GPC6: variants seen among roughly 807,000 people sequenced by gnomAD.
The protein encoded by GPC6 is glypican 6.
In GPC6, 14 loss-of-function variants were observed where a neutral mutation model predicts 55.2. The observed-to-expected ratio is 0.25, with a 90% confidence interval of 0.17 to 0.40. GPC6 has a LOEUF of 0.40. Among genes scored for constraint, GPC6 ranks in the 10% least tolerant of loss-of-function variants. GPC6 has a pLI of 1.00. For missense variants in GPC6, 641 were observed against 708.5 expected, an observed-to-expected ratio of 0.90 and a Z score of 1.08; for synonymous variants, 278 against 259.6, an observed-to-expected ratio of 1.07 and a Z score of -0.68.
intron 5 of GPC6, among the ~76,000 whole-genome samples, chr13:94,295,718 T>C (rs1168847418): frequency 6.6e-6 from 1 of 152,184 alleles, no homozygotes; most frequent in Non-Finnish European, 1.5e-5. Context: ...ACACTATTCT[T>C]ACATTGAGAG....
chr13:93,721,143 G>A (rs1228336764), intron 2 of GPC6, among the ~76,000 whole-genome samples: 1 of 151,948 alleles, frequency 6.6e-6, no homozygotes, highest in Non-Finnish European at 1.5e-5. Context: ...TCATTGATCT[G>A]TCTAATATTG....
chr13:93,457,728 A>T (rs2139310563), intron 1 of GPC6, among the ~76,000 whole-genome samples: 1 of 152,102 alleles, frequency 6.6e-6, no homozygotes, highest in South Asian at 2.1e-4. Flanking sequence ...ACTTAAATTC[A>T]AAGAAGTAGA....
At chr13:93,702,846 T>G (rs751926399) in intron 2 of GPC6, among the ~76,000 whole-genome samples, 9 of 152,004 alleles carry the variant, frequency 5.9e-5, no homozygotes, top group Non-Finnish European at 1.0e-4. Flanking sequence ...TTAAGGCCTT[T>G]CTGTTGATTA....
At chr13:93,510,197 C>G (rs1057119476) in intron 1 of GPC6, among the ~76,000 whole-genome samples, 1 of 152,090 alleles carries the variant, frequency 6.6e-6, no homozygotes, top group Non-Finnish European at 1.5e-5. Context: ...GGATGTCTAT[C>G]TCTTGAGTAC....
chr13:93,372,484 C>A (rs1249260340), intron 1 of GPC6, among the ~76,000 whole-genome samples: 2 of 152,150 alleles, frequency 1.3e-5, no homozygotes, highest in Non-Finnish European at 2.9e-5. Context: ...GGTTGTAATT[C>A]ACTGCCATCT....
chr13:93,818,509 T>C (rs1390650699), intron 2 of GPC6: 1 of 152,212 alleles, frequency 6.6e-6, no homozygotes, highest in Non-Finnish European at 1.5e-5. Context: ...GGTCATTAAT[T>C]AGCTGGAGGA....
chr13:93,746,774 G>T (rs541899564), intron 2 of GPC6, among the ~76,000 whole-genome samples: 1 of 152,270 alleles, frequency 6.6e-6, no homozygotes, highest in East Asian at 1.9e-4. Context: ...AGGTGCAACA[G>T]CTGGGTTCAA....
intron 1 of GPC6, among the ~76,000 whole-genome samples, chr13:93,490,516 T>C (rs1453424392): frequency 1.0e-4 from 10 of 95,914 alleles, no homozygotes; most frequent in Admixed American, 2.8e-4. Context: ...TTTTTTGAGT[T>C]TTTTTTTTTT....
chr13:94,253,602 G>A (rs577029063), intron 4 of GPC6, among the ~76,000 whole-genome samples: 2 of 152,192 alleles, frequency 1.3e-5, no homozygotes, highest in African/African-American at 4.8e-5. Flanking sequence ...AGATGAATCT[G>A]TAATCTTGGT....
At chr13:93,968,466 C>T (rs570120744) in intron 3 of GPC6, among the ~76,000 whole-genome samples, 2 of 152,102 alleles carry the variant, frequency 1.3e-5, no homozygotes, top group East Asian at 1.9e-4. Flanking sequence ...GTATTATACT[C>T]ATTTTTTTCT....
intron 3 of GPC6, among the ~76,000 whole-genome samples, chr13:93,915,812 C>G (rs1877258243): frequency 6.6e-6 from 1 of 152,150 alleles, no homozygotes; most frequent in African/African-American, 2.4e-5. Context: ...TTGGCTGCCC[C>G]CCAGTTAAGC....
rs189320001 is a variant in GPC6 at position 93,672,890 on chromosome 13, T to G, written c.319+127469T>G. ...CCCAAAATATTTTCAATGAGGTATA[T>G]TCATTAGAGGTCTTCCTGACTTCTT... is the stretch of plus-strand genomic sequence containing the variant. On this transcript the variant is annotated intron_variant, in intron 2 of 8. Transcript: ENST00000377047. Among the ~76,000 whole-genome samples the G allele has an allele frequency of 1.3e-3, 193 of 152,218 alleles. 1 individual carries two copies. Among genetic ancestry groups the G allele is most frequent in the Non-Finnish European group, 6.6e-4 (45 of 68,022 alleles).
intron 3 of GPC6, among the ~76,000 whole-genome samples, chr13:93,909,210 T>C (rs1376152591): frequency 1.5e-4 from 23 of 152,124 alleles, no homozygotes; most frequent in Admixed American, 1.5e-3. Flanking sequence ...TCAATTTCTC[T>C]AGGAGCCTTC....
chr13:93,977,495 TGTGTGTGTGTGTGTGTGTGTGTGG>T (rs1311042848), intron 3 of GPC6, among the ~76,000 whole-genome samples: 1 of 148,544 alleles, frequency 6.7e-6, no homozygotes, highest in South Asian at 2.1e-4. Flanking sequence ...TGTGTGTGTG[TGTGTGTGTGTGTGTGTGTGTGTGG>T]TGTGTCTTTA....
intron 4 of GPC6, among the ~76,000 whole-genome samples, chr13:94,280,472 C>T (rs1025782806): frequency 6.6e-6 from 1 of 152,042 alleles, no homozygotes; most frequent in Non-Finnish European, 1.5e-5. Context: ...TTTAATTCAT[C>T]GATTTGGGTG....
At chr13:93,775,329 A>G (rs1381194928) in intron 2 of GPC6, among the ~76,000 whole-genome samples, 3 of 152,136 alleles carry the variant, frequency 2.0e-5, no homozygotes, top group Admixed American at 2.0e-4. Flanking sequence ...AAACTATGTA[A>G]AAGACTTTAC....
At chr13:93,294,994 GGCGTGGTGTCTTGT>G (rs1467070354) in intron 1 of GPC6, among the ~76,000 whole-genome samples, 3 of 151,408 alleles carry the variant, frequency 2.0e-5, no homozygotes, top group Non-Finnish European at 4.4e-5. Flanking sequence ...TTTTAGGTCT[GGCGTGGTGTCTTGT>G]GCCTGTAATC....
chr13:93,914,963 A>G (rs758503366), intron 3 of GPC6, among the ~76,000 whole-genome samples: 9 of 152,226 alleles, frequency 5.9e-5, no homozygotes, highest in Non-Finnish European at 1.3e-4. Flanking sequence ...TTCCAAGCAT[A>G]TTCTCAGTAT....
intron 2 of GPC6, among the ~76,000 whole-genome samples, chr13:93,612,652 C>G (rs1878533011): frequency 1.3e-5 from 2 of 151,982 alleles, no homozygotes; most frequent in South Asian, 4.2e-4. Flanking sequence ...TCTCTCTTCT[C>G]CAAATAGGGA....
Sources: gnomAD v4.1 joint callset for allele counts (sites outside exome capture counted in the v4.1 genomes callset) on GRCh38, gnomAD v4.1.1 for gene constraint, MANE v1.5 for transcripts, NCBI Gene and HGNC (gene_info 2026-07-23, HGNC 2026-07-21) for gene names.